Variants in WWP2 observed in about 807,000 individuals in gnomAD.
WWP2 encodes WW domain containing E3 ubiquitin protein ligase 2.
In WWP2, 57 loss-of-function variants were observed where a neutral mutation model predicts 121.0. The ratio of observed to expected loss-of-function variants is 0.47; its 90% CI spans 0.38 to 0.59. WWP2 has a LOEUF of 0.59. Ranked by LOEUF, WWP2 falls within the 20% of genes least tolerant of loss-of-function variation. The pLI is 0.00. For missense variants in WWP2, 962 were observed against 1,158.9 expected, an observed-to-expected ratio of 0.83 and a Z score of 2.47; for synonymous variants, 449 against 441.3, an observed-to-expected ratio of 1.02 and a Z score of -0.22.
intron 7 of WWP2, among the ~76,000 whole-genome samples, chr16:69,877,888 A>G (rs1245999867): frequency 6.6e-6 from 1 of 151,638 alleles, no homozygotes; most frequent in African/African-American, 2.4e-5. Context: ...GCTCACTGCA[A>G]CCTCCGCCTC....
intron 6 of WWP2, among the ~76,000 whole-genome samples, chr16:69,869,583 T>G (rs1449215602): frequency 6.6e-6 from 1 of 151,936 alleles, no homozygotes; most frequent in Non-Finnish European, 1.5e-5. Context: ...TGAGCTCAAG[T>G]GCCGTCCCAT....
At chr16:69,840,734 T>G (rs2056962884) in intron 5 of WWP2, among the ~76,000 whole-genome samples, 1 of 152,120 alleles carries the variant, frequency 6.6e-6, no homozygotes, top group Non-Finnish European at 1.5e-5. Flanking sequence ...GTCCCGAATG[T>G]TGGTAGTTTG....
At chr16:69,838,187 A>ACTC (rs1182498435) in intron 4 of WWP2, among the ~76,000 whole-genome samples, 2 of 152,140 alleles carry the variant, frequency 1.3e-5, no homozygotes, top group Non-Finnish European at 2.9e-5. Context: ...CTTATTAGGA[A>ACTC]CTCGGTAGGT....
intron 4 of WWP2, among the ~76,000 whole-genome samples, chr16:69,832,131 CTTTG>C (rs561940458): frequency 1.4e-3 from 214 of 152,002 alleles, no homozygotes; most frequent in Non-Finnish European, 2.5e-3. Flanking sequence ...GCCCTGCCTT[CTTTG>C]TTTGTTTGTT....
chr16:69,871,014 A>G (rs966967390), intron 6 of WWP2, among the ~76,000 whole-genome samples: 1 of 152,192 alleles, frequency 6.6e-6, no homozygotes, highest in Non-Finnish European at 1.5e-5. Flanking sequence ...GGCCAGGCAT[A>G]GTGGCTCATA....
Position 69,787,002 on chromosome 16 carries a change from G to A in WWP2, c.-9G>A, listed in dbSNP as rs189494012. 35 of 1,609,678 alleles carry A rather than the reference G, an allele frequency of 2.2e-5. 1 individual carries two copies. The Admixed American group carries it at 5.3e-4, about 24-fold the overall frequency. On this transcript the variant is annotated 5_prime_UTR_variant, in exon 2 of 24. Transcript: ENST00000359154. ...TTTTCTGTTTGTCTTACAGCTTCAC[G>A]GTGATGATATGGCATCTGCCAGCTC...
At chr16:69,851,910 G>T (rs1254003413) in intron 6 of WWP2, among the ~76,000 whole-genome samples, 1 of 152,136 alleles carries the variant, frequency 6.6e-6, no homozygotes, top group Admixed American at 6.5e-5. Flanking sequence ...TTAAATCTGG[G>T]GGGTGGAGTT....
chr16:69,877,338 A>G (rs1483719409), intron 7 of WWP2, among the ~76,000 whole-genome samples: 1 of 152,170 alleles, frequency 6.6e-6, no homozygotes, highest in African/African-American at 2.4e-5. Context: ...TTCTTCTGCA[A>G]CTTCCTCACC....
intron 9 of WWP2, chr16:69,909,763 ATGTTCT>A (rs1340972140): frequency 8.7e-6 from 8 of 919,604 alleles, no homozygotes; most frequent in African/African-American, 1.8e-5. Flanking sequence ...AATTATGAAA[ATGTTCT>A]TATTATTATG....
rs745614713 is a variant in WWP2 at position 69,937,680 on chromosome 16, G to A, written c.2343+28G>A. Reference sequence around the variant, plus strand: ...GGGTCCCGGGCCCAGGCCTTGGCAGGGACATTTGGGCCATCAACCAAAGGA... The same window carrying A: ...GGGTCCCGGGCCCAGGCCTTGGCAGAGACATTTGGGCCATCAACCAAAGGA... On this transcript the variant is annotated intron_variant, in intron 21 of 23. Coordinates refer to ENST00000359154, the MANE Select transcript of WWP2 (RefSeq NM_001270454.2). This position sits in a 1 kb window ranked among gnomAD's most constrained non-coding sequence, Gnocchi z 6.6. The A allele has an allele frequency of 3.1e-6, 5 of 1,610,970 alleles. No individual in the cohort carries two copies. Among genetic ancestry groups the A allele is most frequent in the Non-Finnish European group, 1.7e-6 (2 of 1,177,846 alleles).
intron 2 of WWP2, among the ~76,000 whole-genome samples, chr16:69,793,096 C>T (rs956936521): frequency 1.3e-5 from 2 of 152,134 alleles, no homozygotes; most frequent in African/African-American, 4.8e-5. Flanking sequence ...TGGCTCATGC[C>T]TGTAATCCGA....
chr16:69,837,097 G>A (rs1244987938), intron 4 of WWP2, among the ~76,000 whole-genome samples: 1 of 151,716 alleles, frequency 6.6e-6, no homozygotes, highest in African/African-American at 2.4e-5. Context: ...CTAATTTTTG[G>A]CATTTTTATT....
At chr16:69,936,020 A>C in intron 18 of WWP2, 34 bp downstream of exon 18, 1 of 1,607,022 alleles carries the variant, frequency 6.2e-7, no homozygotes, top group Non-Finnish European at 8.5e-7. Context: ...CACCGCGCTG[A>C]TAGGAGGGAC....
At chr16:69,886,022 A>G (rs2057918116) in intron 7 of WWP2, among the ~76,000 whole-genome samples, 1 of 152,222 alleles carries the variant, frequency 6.6e-6, no homozygotes, top group African/African-American at 2.4e-5. Context: ...GCCTAGAAAC[A>G]CTGAAGAAAT....
chr16:69,899,935 A>G (rs1337282400), intron 8 of WWP2, among the ~76,000 whole-genome samples: 1 of 152,126 alleles, frequency 6.6e-6, no homozygotes, highest in Non-Finnish European at 1.5e-5. Flanking sequence ...TTTCTACCCA[A>G]TATATTGTAA....
chr16:69,838,445 TAAAA>T (rs3086443), intron 4 of WWP2, among the ~76,000 whole-genome samples: 73 of 139,302 alleles, frequency 5.2e-4, no homozygotes, highest in Middle Eastern at 3.7e-3. Flanking sequence ...CTCCTTGACT[TAAAA>T]AAAAAAAAAA....
At chr16:69,931,301 A>G in intron 14 of WWP2, 74 bp downstream of exon 14, 1 of 1,578,112 alleles carries the variant, frequency 6.3e-7, no homozygotes, top group Non-Finnish European at 8.7e-7. Context: ...CCGGCACAGC[A>G]GCAGGTATCG....
intron 6 of WWP2, among the ~76,000 whole-genome samples, chr16:69,858,292 C>T (rs949520088): frequency 9.2e-5 from 14 of 152,092 alleles, no homozygotes; most frequent in Non-Finnish European, 1.5e-5. Context: ...CACCAGGCCA[C>T]GGCTCTGTGT....
chr16:69,940,018 A>G lies in WWP2; in HGVS notation c.*78A>G. On this transcript the variant is annotated 3_prime_UTR_variant, in exon 24 of 24. Transcript: ENST00000359154. ...CTGCCTGAGAGGCCACTGGCCCCGC[A>G]GCCCTTGGGAGGCCCCCGTGGATGT... 1 of 1,202,394 alleles carries G rather than the reference A, an allele frequency of 8.3e-7. No individual in the cohort carries two copies. The highest frequency in any genetic ancestry group is 2.3e-5 in the Admixed American group (1 of 43,904). The allele number at this position is 1,202,394 out of a possible 1,614,324, so 74.5% of individuals were successfully genotyped here.
Sources: gnomAD v4.1 joint callset for allele counts (sites outside exome capture counted in the v4.1 genomes callset) on GRCh38, gnomAD v4.1.1 for gene constraint, Gnocchi (gnomAD v3.1) non-coding constraint, MANE v1.5 for transcripts, NCBI Gene and HGNC (gene_info 2026-07-23, HGNC 2026-07-21) for gene names.